COL25A1: variants seen among roughly 807,000 people sequenced by gnomAD.
The protein encoded by COL25A1 is collagen type XXV alpha 1 chain.
COL25A1 carries 103 observed loss-of-function variants against 128.4 expected under a neutral mutation model. The ratio of observed to expected loss-of-function variants is 0.80; its 90% confidence interval spans 0.68 to 0.94. The LOEUF is 0.94. COL25A1 is among the 40% of genes least tolerant of loss of function. The probability of loss-of-function intolerance (pLI) is 0.00; values close to 1 mark genes in which losing one functional copy is unlikely to be tolerated. For synonymous variants in COL25A1, 279 were observed against 277.2 expected, an observed-to-expected ratio of 1.01 and a Z score of -0.06; for missense variants, 745 against 840.0, an observed-to-expected ratio of 0.89 and a Z score of 1.40.
At chr4:108,883,144 A>T (rs886990433) in intron 19 of COL25A1, among the ~76,000 whole-genome samples, 3 of 151,968 alleles carry the variant, frequency 2.0e-5, no homozygotes, top group African/African-American at 7.3e-5. Context: ...CGGGTTCAAG[A>T]GAGCCTCCTG....
At chr4:108,931,937 T>C (rs1746802667) in intron 11 of COL25A1, among the ~76,000 whole-genome samples, 1 of 152,220 alleles carries the variant, frequency 6.6e-6, no homozygotes, top group Non-Finnish European at 1.5e-5. Flanking sequence ...TGCTAAGGCA[T>C]CTCAGCAGGC....
intron 8 of COL25A1, among the ~76,000 whole-genome samples, chr4:108,958,769 A>T (rs1750346014): frequency 1.3e-5 from 2 of 152,138 alleles, no homozygotes; most frequent in South Asian, 4.1e-4. Context: ...TTAAACAAAA[A>T]AATCTTGAAG....
At chr4:109,211,297 T>TG (rs1777518851) in intron 3 of COL25A1, among the ~76,000 whole-genome samples, 1 of 44,622 alleles carries the variant, frequency 2.2e-5, no homozygotes, top group East Asian at 6.1e-4. Context: ...AAACTATATA[T>TG]ATATATATAT....
intron 3 of COL25A1, among the ~76,000 whole-genome samples, chr4:109,089,935 C>CTT: frequency 6.9e-6 from 1 of 145,638 alleles, no homozygotes. Context: ...CTACATAGGA[C>CTT]TTTTTTTTTT....
intron 3 of COL25A1, among the ~76,000 whole-genome samples, chr4:109,289,641 A>G (rs151224638): frequency 6.6e-6 from 1 of 152,092 alleles, no homozygotes; most frequent in East Asian, 1.9e-4. Flanking sequence ...AATCCAGGTA[A>G]AGTGTCATCA....
At position 109,170,130 on chromosome 4, in the gene COL25A1, A is replaced by G. The variant is rs528811910; in HGVS notation, c.368-119951T>C. ...CATGTTCCATAAATTTTATTGAATC[A>G]ATTTTCCATAGGAAAAATGCAAGCA... On this transcript the variant is annotated intron_variant, in intron 3 of 37. Coordinates refer to ENST00000399132, the MANE Select transcript of COL25A1 (RefSeq NM_198721.4). Among the ~76,000 whole-genome samples, 46 of 152,260 alleles carry G rather than the reference A, an allele frequency of 3.0e-4. No homozygotes were observed. The East Asian group carries it at 7.5e-3, about 25-fold the overall frequency.
At chr4:109,084,601 C>T (rs562349526) in intron 3 of COL25A1, among the ~76,000 whole-genome samples, 1 of 152,232 alleles carries the variant, frequency 6.6e-6, no homozygotes, top group East Asian at 1.9e-4. Context: ...CATTGAATTC[C>T]CTGAGAATTT....
At chr4:108,823,468 G>C (rs1401272855) in intron 35 of COL25A1, among the ~76,000 whole-genome samples, 1 of 152,072 alleles carries the variant, frequency 6.6e-6, no homozygotes, top group African/African-American at 2.4e-5. Context: ...AAGAACAAAG[G>C]AGAGGAAAGG....
At chr4:108,997,710 A>C (rs1325192047) in intron 6 of COL25A1, among the ~76,000 whole-genome samples, 1 of 152,224 alleles carries the variant, frequency 6.6e-6, no homozygotes, top group African/African-American at 2.4e-5. Context: ...ATGAACATCA[A>C]TGCAAAAATC....
chr4:109,018,359 G>A (rs554247153), intron 5 of COL25A1, among the ~76,000 whole-genome samples: 2 of 152,100 alleles, frequency 1.3e-5, no homozygotes, highest in African/African-American at 4.8e-5. Flanking sequence ...CAAGTAGCTG[G>A]GATTACAGGC....
At chr4:109,277,040 G>A (rs1722917423) in intron 3 of COL25A1, among the ~76,000 whole-genome samples, 1 of 152,130 alleles carries the variant, frequency 6.6e-6, no homozygotes, top group Admixed American at 6.5e-5. Flanking sequence ...CTCCCGCCTG[G>A]AACTGCTCTA....
chr4:109,149,702 T>C (rs1165362736), intron 3 of COL25A1, among the ~76,000 whole-genome samples: 2 of 152,208 alleles, frequency 1.3e-5, no homozygotes, highest in African/African-American at 2.4e-5. Flanking sequence ...CAGTGCTACT[T>C]GTATTTTATT....
rs117282970 is a variant in COL25A1, at chr4:109,260,738, C to T, written c.367+39845G>A. On this transcript the variant is annotated intron_variant, in intron 3 of 37. Coordinates refer to ENST00000399132, the MANE Select transcript of COL25A1 (RefSeq NM_198721.4). ...CTCGAATTCCTGACCTCAAGAAATC[C>T]GCATGCCTCGGCCTCCTAAAGTGCT... Among the ~76,000 whole-genome samples the T allele has an allele frequency of 6.7e-3, 1,016 of 152,204 alleles. 50 individuals are homozygous for T. The South Asian group carries it at 0.11, about 17-fold the overall frequency.
At chr4:109,254,480 T>C (rs953692842) in intron 3 of COL25A1, among the ~76,000 whole-genome samples, 1 of 95,378 alleles carries the variant, frequency 1.0e-5, no homozygotes, top group African/African-American at 7.1e-5. Context: ...TATATATATA[T>C]ATATATATAT....
chr4:109,027,850 T>C (rs1758453489), intron 5 of COL25A1, among the ~76,000 whole-genome samples: 1 of 152,070 alleles, frequency 6.6e-6, no homozygotes, highest in Non-Finnish European at 1.5e-5. Flanking sequence ...GGAGCAGCTT[T>C]GGAGAGTAAG....
chr4:108,974,736 A>G (rs1231855530), intron 6 of COL25A1, among the ~76,000 whole-genome samples, 177 bp from the exon 7 acceptor site: 1 of 152,220 alleles, frequency 6.6e-6, no homozygotes, highest in African/African-American at 2.4e-5. Context: ...ACATATAACC[A>G]TATATGTTTG....
intron 3 of COL25A1, among the ~76,000 whole-genome samples, chr4:109,273,519 C>T (rs748135680): frequency 3.9e-5 from 6 of 151,974 alleles, no homozygotes; most frequent in Admixed American, 6.6e-5. Flanking sequence ...TATTAGAAAA[C>T]GATAAAATGC....
intron 5 of COL25A1, among the ~76,000 whole-genome samples, chr4:109,018,950 C>T (rs914921722): frequency 5.9e-5 from 9 of 152,128 alleles, no homozygotes; most frequent in Admixed American, 5.9e-4. Flanking sequence ...TTTCACACTG[C>T]TATAAAGACA....
intron 3 of COL25A1, among the ~76,000 whole-genome samples, chr4:109,206,188 C>A (rs146337924): frequency 6.6e-5 from 10 of 152,080 alleles, no homozygotes; most frequent in African/African-American, 2.4e-4. Flanking sequence ...ACTGTACACA[C>A]CTTACCCATA....
Sources: gnomAD v4.1 joint callset for allele counts (sites outside exome capture counted in the v4.1 genomes callset) on GRCh38, gnomAD v4.1.1 for gene constraint, MANE v1.5 for transcripts, NCBI Gene and HGNC (gene_info 2026-07-23, HGNC 2026-07-21) for gene names.